Variants in DNAJB14 observed in about 807,000 individuals in gnomAD.
DNAJB14 encodes the protein dnaJ homolog subfamily B member 14.
Under a neutral mutation model 48.4 loss-of-function variants are expected in DNAJB14, and 22 were observed. That is an observed-to-expected ratio of 0.45 (90% CI 0.32 to 0.65). The LOEUF (loss-of-function observed/expected upper bound fraction) is 0.65, where lower values mean the gene tolerates loss of function less well. Ranked by LOEUF, DNAJB14 falls within the 30% of genes least tolerant of loss-of-function variation. DNAJB14 has a pLI of 0.03. For synonymous variants in DNAJB14, 142 were observed against 158.7 expected, an observed-to-expected ratio of 0.89 and a Z score of 0.79; for missense variants, 319 against 458.8, an observed-to-expected ratio of 0.70 and a Z score of 2.78.
intron 6 of DNAJB14, among the ~76,000 whole-genome samples, chr4:99,905,023 CTTAT>C (rs1725416467): frequency 1.3e-5 from 2 of 151,654 alleles, no homozygotes; most frequent in Admixed American, 1.3e-4. Flanking sequence ...TTATATGCTT[CTTAT>C]TTATTCATGC....
At chr4:99,902,505 A>T (rs1402284830) in intron 7 of DNAJB14, among the ~76,000 whole-genome samples, 2 of 152,160 alleles carry the variant, frequency 1.3e-5, no homozygotes, top group Non-Finnish European at 2.9e-5. Flanking sequence ...TTGAGTTAGA[A>T]GTCAAAGAGG....
At chr4:99,944,538 T>C (rs1218502695) in intron 1 of DNAJB14, among the ~76,000 whole-genome samples, 1 of 152,036 alleles carries the variant, frequency 6.6e-6, no homozygotes, top group East Asian at 1.9e-4. Flanking sequence ...CAATGGAATA[T>C]TATTCAGTTT....
At chr4:99,918,303 A>G (rs1278186742) in intron 3 of DNAJB14, among the ~76,000 whole-genome samples, 1 of 151,962 alleles carries the variant, frequency 6.6e-6, no homozygotes, top group Non-Finnish European at 1.5e-5. Flanking sequence ...TAAAATTTCT[A>G]TTTTGTTCTT....
intron 3 of DNAJB14, among the ~76,000 whole-genome samples, chr4:99,916,196 T>C (rs1219624338): frequency 2.0e-5 from 3 of 152,206 alleles, no homozygotes; most frequent in Non-Finnish European, 4.4e-5. Context: ...TGGAGTGCAG[T>C]GGCACAATCA....
At chr4:99,945,786 A>C (rs1727045958) in intron 1 of DNAJB14, among the ~76,000 whole-genome samples, 1 of 152,238 alleles carries the variant, frequency 6.6e-6, no homozygotes, top group Admixed American at 6.5e-5. Flanking sequence ...AACTAAAGGA[A>C]ACCCAGTACC....
At chr4:99,909,042 ATT>A (rs1725566367) in intron 3 of DNAJB14, 146 bp from the exon 4 acceptor site, 1 of 500,316 alleles carries the variant, frequency 2.0e-6, no homozygotes, top group African/African-American at 2.0e-5. Context: ...AAAGATATAC[ATT>A]GTTTGCAATT....
At position 99,909,788 on chromosome 4, in the gene DNAJB14, C is replaced by A. The variant is rs564192618; in HGVS notation, c.452-892G>T. On this transcript the variant is annotated intron_variant, in intron 3 of 7. Transcript: ENST00000442697. ...TTTTATATTATAAAAGTCTGCCCCA[C>A]ATAAAAACTAATGTCATGCTGAAAA... Among the ~76,000 whole-genome samples the A allele has an allele frequency of 2.0e-3, 303 of 151,980 alleles. 1 individual carries two copies. Among genetic ancestry groups the A allele is most frequent in the Non-Finnish European group, 3.6e-3 (242 of 67,860 alleles).
intron 3 of DNAJB14, among the ~76,000 whole-genome samples, chr4:99,921,320 C>T (rs1726051029): frequency 6.6e-6 from 1 of 152,182 alleles, no homozygotes; most frequent in Non-Finnish European, 1.5e-5. Context: ...TTTTGCAAAG[C>T]AGAGCACTAA....
chr4:99,934,784 T>TCC (rs1726606077), intron 1 of DNAJB14, among the ~76,000 whole-genome samples: 1 of 52,092 alleles, frequency 1.9e-5, no homozygotes, highest in Non-Finnish European at 3.4e-5. Context: ...AGAGCAAGAC[T>TCC]GTCTCAAAAA....
At chr4:99,933,450 A>T (rs1726556474) in intron 1 of DNAJB14, among the ~76,000 whole-genome samples, 1 of 150,630 alleles carries the variant, frequency 6.6e-6, no homozygotes, top group African/African-American at 2.4e-5. Context: ...TGCCCCCGAC[A>T]CCTGGCTAAT....
intron 3 of DNAJB14, 194 bp downstream of exon 3, chr4:99,922,846 T>G: frequency 1.9e-6 from 1 of 534,208 alleles, no homozygotes; most frequent in Non-Finnish European, 3.2e-6. Flanking sequence ...GAATGTTGCT[T>G]TTGTGAAGCC....
intron 7 of DNAJB14, 63 bp from the exon 8 acceptor site, chr4:99,901,215 T>A: frequency 4.1e-5 from 58 of 1,417,294 alleles, no homozygotes; most frequent in Non-Finnish European, 5.4e-5. Flanking sequence ...TTGCTTAAGC[T>A]CAAGTGATGC....
chr4:99,944,056 T>C (rs566888868), intron 1 of DNAJB14, among the ~76,000 whole-genome samples: 11 of 149,024 alleles, frequency 7.4e-5, no homozygotes, highest in Non-Finnish European at 1.5e-4. Context: ...AAACAAGTAA[T>C]GTGATTTAAA....
At chr4:99,929,401 G>GT (rs1203963730) in intron 2 of DNAJB14, 1 of 152,088 alleles carries the variant, frequency 6.6e-6, no homozygotes, top group Non-Finnish European at 1.5e-5. Context: ...TCAGAGAATC[G>GT]TTTTTTCTCA....
intron 3 of DNAJB14, among the ~76,000 whole-genome samples, chr4:99,915,295 G>A (rs1018733674): frequency 6.6e-6 from 1 of 151,910 alleles, no homozygotes; most frequent in Non-Finnish European, 1.5e-5. Flanking sequence ...CCGCCACCAC[G>A]CCCGGCTACT....
chr4:99,924,709 A>G, intron 2 of DNAJB14: 1 of 1,606,666 alleles, frequency 6.2e-7, no homozygotes, highest in Non-Finnish European at 8.5e-7. Context: ...AAATGTTTAG[A>G]AGCTATGTGA....
intron 3 of DNAJB14, among the ~76,000 whole-genome samples, chr4:99,917,951 G>A (rs1725914816): frequency 6.6e-6 from 1 of 152,094 alleles, no homozygotes; most frequent in African/African-American, 2.4e-5. Context: ...GTCTTGGTGT[G>A]GCTTTCTTTG....
intron 1 of DNAJB14, chr4:99,942,202 C>T (rs1283975600): frequency 6.6e-6 from 1 of 151,960 alleles, no homozygotes; most frequent in Non-Finnish European, 1.5e-5. Flanking sequence ...CTATTCAATA[C>T]ATAATTTGGA....
intron 1 of DNAJB14, 114 bp from the exon 2 acceptor site, chr4:99,930,735 C>T (rs1726438293): frequency 8.7e-7 from 1 of 1,147,004 alleles, no homozygotes; most frequent in African/African-American, 1.6e-5. Context: ...AAAAGATTCA[C>T]CATAGGATCT....
Sources: allele counts gnomAD v4.1 joint callset (sites outside exome capture counted in the v4.1 genomes callset), GRCh38; gene constraint gnomAD v4.1.1; transcripts MANE v1.5; gene names NCBI Gene and HGNC (gene_info 2026-07-23, HGNC 2026-07-21).